The following CTNNA3 variants were observed in gnomAD, a reference collection of about 807,000 sequenced individuals.
The protein encoded by CTNNA3 is catenin alpha 3.
CTNNA3 carries 76 observed loss-of-function variants against 95.7 expected under a neutral mutation model. The observed-to-expected ratio is 0.79, with a 90% CI of 0.66 to 0.96. CTNNA3 has a LOEUF of 0.96. CTNNA3 is among the 40% of genes least tolerant of loss of function. CTNNA3 has a pLI of 0.00. For missense variants in CTNNA3, 1,191 were observed against 1,089.8 expected (o/e 1.09, Z -1.31); for synonymous variants, 431 against 374.4 (o/e 1.15, Z -1.74).
chr10:66,708,416 C>G (rs1369283503), intron 9 of CTNNA3, among the ~76,000 whole-genome samples: 1 of 152,012 alleles, frequency 6.6e-6, no homozygotes, highest in Non-Finnish European at 1.5e-5. Context: ...AACTAACACA[C>G]ATTCCTGGAA....
At chr10:66,165,803 C>T (rs1258604587) in intron 13 of CTNNA3, among the ~76,000 whole-genome samples, 2 of 151,878 alleles carry the variant, frequency 1.3e-5, no homozygotes, top group African/African-American at 2.4e-5. Flanking sequence ...GAGTCTTGCT[C>T]TGTCTCCCAG....
intron 11 of CTNNA3, among the ~76,000 whole-genome samples, chr10:66,384,459 C>T (rs1429463294): frequency 6.6e-6 from 1 of 152,224 alleles, no homozygotes. Flanking sequence ...TAGAGACATA[C>T]AAAAAGACTT....
chr10:67,586,940 T>C (rs760531643), intron 3 of CTNNA3, among the ~76,000 whole-genome samples: 4 of 152,168 alleles, frequency 2.6e-5, no homozygotes, highest in Non-Finnish European at 4.4e-5. Flanking sequence ...TTTCTTTCTC[T>C]TCCTCCTTTG....
rs538778985 is a variant in CTNNA3 at position 67,274,878 on chromosome 10, C to T, written c.580-55008G>A. Among the ~76,000 whole-genome samples, 3 of 152,054 alleles carry T rather than the reference C, an allele frequency of 2.0e-5. No individual in the cohort carries two copies. The East Asian group carries it at 5.8e-4, about 29-fold the overall frequency. On this transcript the variant is annotated intron_variant, in intron 5 of 17. Transcript: ENST00000433211. ...AATATCAGTAAGAATCAGATTTGAA[C>T]AACATGATTATTATTTAATTTAATG...
At chr10:66,480,899 G>A (rs1839500246) in intron 11 of CTNNA3, among the ~76,000 whole-genome samples, 1 of 152,024 alleles carries the variant, frequency 6.6e-6, no homozygotes, top group Non-Finnish European at 1.5e-5. Context: ...CACCATGCCT[G>A]GCCTAATTTA....
intron 1 of CTNNA3, among the ~76,000 whole-genome samples, chr10:67,744,706 G>A (rs1421459635): frequency 6.7e-6 from 1 of 149,980 alleles, no homozygotes; most frequent in Non-Finnish European, 1.5e-5. Flanking sequence ...TACCATCAGA[G>A]TGAACAGGCA....
At chr10:67,195,157 TAAA>T (rs1863291861) in intron 6 of CTNNA3, among the ~76,000 whole-genome samples, 2 of 152,062 alleles carry the variant, frequency 1.3e-5, no homozygotes, top group African/African-American at 4.8e-5. Context: ...TAATTCCTGA[TAAA>T]TTGAGTATTA....
At chr10:66,534,352 G>GT (rs1841574504) in intron 10 of CTNNA3, among the ~76,000 whole-genome samples, 1 of 151,754 alleles carries the variant, frequency 6.6e-6, no homozygotes, top group Non-Finnish European at 1.5e-5. Flanking sequence ...CTGAAACAAA[G>GT]TTCTTTATTA....
At chr10:66,708,783 T>C (rs1393379103) in intron 9 of CTNNA3, among the ~76,000 whole-genome samples, 2 of 152,122 alleles carry the variant, frequency 1.3e-5, no homozygotes, top group Non-Finnish European at 2.9e-5. Flanking sequence ...CGTAAGGTTG[T>C]AAGGTTTCAC....
chr10:65,961,366 T>C (rs1271827698), intron 17 of CTNNA3, among the ~76,000 whole-genome samples: 1 of 152,132 alleles, frequency 6.6e-6, no homozygotes, highest in African/African-American at 2.4e-5. Flanking sequence ...TAAAAAGATA[T>C]AAAAACACCT....
At chr10:67,245,607 C>T (rs1865873090) in intron 5 of CTNNA3, among the ~76,000 whole-genome samples, 1 of 152,112 alleles carries the variant, frequency 6.6e-6, no homozygotes, top group Non-Finnish European at 1.5e-5. Flanking sequence ...CGCCTGTAAT[C>T]CCAGTGCTTT....
chr10:66,572,015 C>T (rs781360739), intron 10 of CTNNA3, among the ~76,000 whole-genome samples: 5 of 152,098 alleles, frequency 3.3e-5, no homozygotes, highest in Non-Finnish European at 4.4e-5. Flanking sequence ...ACATATTTGC[C>T]TCCAGAGATT....
intron 13 of CTNNA3, among the ~76,000 whole-genome samples, chr10:66,133,211 A>T (rs1242109850): frequency 1.3e-5 from 2 of 152,170 alleles, no homozygotes; most frequent in Non-Finnish European, 2.9e-5. Context: ...TTTCTGGAAT[A>T]AAACTTGTGG....
intron 1 of CTNNA3, among the ~76,000 whole-genome samples, chr10:67,651,178 G>A (rs2094735974): frequency 6.6e-6 from 1 of 151,896 alleles, no homozygotes; most frequent in Non-Finnish European, 1.5e-5. Flanking sequence ...GTAAGGTGAT[G>A]GCTGATTCTC....
intron 5 of CTNNA3, among the ~76,000 whole-genome samples, chr10:67,247,528 C>T (rs1379999633): frequency 1.3e-5 from 2 of 152,156 alleles, no homozygotes; most frequent in African/African-American, 2.4e-5. Context: ...AATTTAAAGA[C>T]GTTCCATGTC....
intron 10 of CTNNA3, among the ~76,000 whole-genome samples, chr10:66,529,686 T>C (rs192399404): frequency 6.6e-6 from 1 of 152,270 alleles, no homozygotes; most frequent in African/African-American, 2.4e-5. Context: ...GTGCCGGGCA[T>C]GTTTCTAATT....
At chr10:66,626,968 G>GAA (rs1844958028) in intron 9 of CTNNA3, among the ~76,000 whole-genome samples, 1 of 151,444 alleles carries the variant, frequency 6.6e-6, no homozygotes, top group African/African-American at 2.4e-5. Context: ...ATACACACAT[G>GAA]ACAACACACA....
chr10:66,709,483 C>T (rs1246491421), intron 9 of CTNNA3, among the ~76,000 whole-genome samples: 2 of 151,716 alleles, frequency 1.3e-5, no homozygotes, highest in African/African-American at 4.8e-5. Context: ...TAGAGAGCTG[C>T]CAAATGGCTA....
chr10:67,654,634 C>T (rs944360566), intron 1 of CTNNA3, among the ~76,000 whole-genome samples: 3 of 151,964 alleles, frequency 2.0e-5, no homozygotes, highest in African/African-American at 4.8e-5. Flanking sequence ...ACCACAGGCG[C>T]GCACCACCAC....
Sources: gnomAD v4.1 joint callset for allele counts (sites outside exome capture counted in the v4.1 genomes callset) on GRCh38, gnomAD v4.1.1 for gene constraint, MANE v1.5 for transcripts, NCBI Gene and HGNC (gene_info 2026-07-23, HGNC 2026-07-21) for gene names.